The following UNC5C variants were observed in gnomAD, a reference collection of about 807,000 sequenced individuals.
UNC5C encodes netrin receptor UNC5C.
Under a neutral mutation model 99.8 loss-of-function variants are expected in UNC5C, and 47 were observed. The observed-to-expected ratio is 0.47, with a 90% CI of 0.37 to 0.60. The LOEUF (loss-of-function observed/expected upper bound fraction) is 0.60. Among genes scored for constraint, UNC5C ranks in the 20% least tolerant of loss-of-function variants. The pLI is 0.00. For synonymous variants in UNC5C, 487 were observed against 452.2 expected (o/e 1.08, Z -0.98); for missense variants, 1,062 against 1,165.9 (o/e 0.91, Z 1.30).
At chr4:95,233,232 T>G (rs1176572891) in intron 7 of UNC5C, among the ~76,000 whole-genome samples, 4 of 152,168 alleles carry the variant, frequency 2.6e-5, no homozygotes, top group Non-Finnish European at 4.4e-5. Context: ...AGTGCTAACT[T>G]TGCAGAATGC....
At chr4:95,419,117 C>A (rs1199347937) in intron 1 of UNC5C, among the ~76,000 whole-genome samples, 1 of 152,012 alleles carries the variant, frequency 6.6e-6, no homozygotes, top group Non-Finnish European at 1.5e-5. Context: ...AGTATTCGAA[C>A]AGCTGAAACA....
chr4:95,220,148 G>A lies in UNC5C; in HGVS notation c.1137C>T (p.Leu379=), dbSNP rs775327944. The A allele has an allele frequency of 6.2e-7, 1 of 1,613,870 alleles. No individual in the cohort carries two copies. ...QTAPDSDDVA[L]YVGIVIAVIV... is the part of the protein sequence containing the mutation. Reference sequence around the variant, plus strand: ...TCACTGCTATCACAATCCCAACATAGAGAGCAACATCATCTGAATCAGGAG... The same window carrying A: ...TCACTGCTATCACAATCCCAACATAAAGAGCAACATCATCTGAATCAGGAG... The change falls in exon 8 of 16, where the codon CTC becomes CTT. Residue 379 remains leucine, a synonymous_variant. Coordinates refer to ENST00000453304, the MANE Select transcript of UNC5C (RefSeq NM_003728.4).
chr4:95,310,366 G>A (rs891156399), intron 2 of UNC5C, among the ~76,000 whole-genome samples: 1 of 152,080 alleles, frequency 6.6e-6, no homozygotes, highest in Non-Finnish European at 1.5e-5. Context: ...TTCAAGAGAT[G>A]TGCAACATGA....
At chr4:95,485,799 A>G (rs4505826) in intron 1 of UNC5C, among the ~76,000 whole-genome samples, 97,421 of 151,406 alleles carry the variant, frequency 0.64, 32,341 homozygotes, top group African/African-American at 0.82. Context: ...CAAGCCTATC[A>G]GGTAGGGTTC....
chr4:95,283,009 C>A (rs1456464842), intron 3 of UNC5C, among the ~76,000 whole-genome samples: 2 of 152,002 alleles, frequency 1.3e-5, no homozygotes, highest in Admixed American at 6.6e-5. Context: ...AAAACTTTTG[C>A]TTCTGAGGCC....
intron 7 of UNC5C, among the ~76,000 whole-genome samples, chr4:95,234,995 T>C (rs747000710): frequency 6.6e-6 from 1 of 152,210 alleles, no homozygotes; most frequent in Non-Finnish European, 1.5e-5. Flanking sequence ...CTGTATGTGA[T>C]AGGCAACTGG....
At chr4:95,354,468 C>CATATAT (rs1553965986) in intron 1 of UNC5C, among the ~76,000 whole-genome samples, 8 of 98,208 alleles carry the variant, frequency 8.1e-5, no homozygotes, top group East Asian at 2.0e-4. Context: ...CTAACTCTTC[C>CATATAT]ATATATATAT....
chr4:95,322,937 CAAAA>C (rs34082198), intron 2 of UNC5C, among the ~76,000 whole-genome samples: 2 of 89,750 alleles, frequency 2.2e-5, no homozygotes, highest in Non-Finnish European at 2.3e-5. Flanking sequence ...GATTCTGTCT[CAAAA>C]AAAAAAAAAA....
intron 1 of UNC5C, among the ~76,000 whole-genome samples, chr4:95,527,769 G>A (rs1358887763): frequency 1.3e-5 from 2 of 152,096 alleles, no homozygotes; most frequent in African/African-American, 4.8e-5. Context: ...TCTAGAATAT[G>A]AAGTTTCTTT....
At chr4:95,177,267 A>G (rs1419506727) in intron 14 of UNC5C, among the ~76,000 whole-genome samples, 1 of 152,092 alleles carries the variant, frequency 6.6e-6, no homozygotes, top group Non-Finnish European at 1.5e-5. Context: ...CTCTCTTTTT[A>G]AAGCACGTAA....
intron 1 of UNC5C, among the ~76,000 whole-genome samples, chr4:95,394,241 C>A (rs1745444312): frequency 6.7e-6 from 1 of 149,934 alleles, no homozygotes; most frequent in Non-Finnish European, 1.5e-5. Context: ...ACTTCTGAAA[C>A]TTTAATAGTA....
At chr4:95,477,882 T>C (rs1720990431) in intron 1 of UNC5C, among the ~76,000 whole-genome samples, 1 of 151,954 alleles carries the variant, frequency 6.6e-6, no homozygotes, top group Admixed American at 6.6e-5. Flanking sequence ...TGGAATTTCA[T>C]CTCTAGTGTC....
rs902995767 is a variant in UNC5C, at chr4:95,450,729, A to G, written c.124+98005T>C. Among the ~76,000 whole-genome samples the G allele has an allele frequency of 4.6e-5, 7 of 152,338 alleles. No homozygotes were observed. The Middle Eastern group carries it at 0.01, about 222-fold the overall frequency. ...ACTAAAAAAGTCATCCATTTAATAC[A>G]TATTTTCCAAGTTGCTTATTTGAAA... On this transcript the variant is annotated intron_variant, in intron 1 of 15. Transcript: ENST00000453304.
intron 14 of UNC5C, among the ~76,000 whole-genome samples, chr4:95,178,472 G>C (rs866301687): frequency 6.6e-6 from 1 of 151,696 alleles, no homozygotes; most frequent in Admixed American, 6.6e-5. Context: ...TTTCTTTTTG[G>C]TGAGAGTATA....
At chr4:95,371,003 A>C (rs1159444386) in intron 1 of UNC5C, among the ~76,000 whole-genome samples, 1 of 152,198 alleles carries the variant, frequency 6.6e-6, no homozygotes, top group Non-Finnish European at 1.5e-5. Flanking sequence ...GCCATTAGGA[A>C]GTTTTTAGGT....
intron 1 of UNC5C, among the ~76,000 whole-genome samples, chr4:95,440,109 G>C (rs917865288): frequency 6.6e-6 from 1 of 152,140 alleles, no homozygotes; most frequent in South Asian, 2.1e-4. Flanking sequence ...GCAATGCAGC[G>C]ACCCTCAGAT....
chr4:95,482,065 A>G (rs981110902), intron 1 of UNC5C, among the ~76,000 whole-genome samples: 1 of 152,224 alleles, frequency 6.6e-6, no homozygotes, highest in Admixed American at 6.5e-5. Flanking sequence ...ATCAGAGTGA[A>G]CAGGCAACCT....
chr4:95,195,788 C>A (rs1172468575), intron 12 of UNC5C, among the ~76,000 whole-genome samples: 3 of 152,044 alleles, frequency 2.0e-5, no homozygotes, highest in African/African-American at 7.2e-5. Context: ...TTCTTTCATT[C>A]TTCTCTTCTC....
intron 1 of UNC5C, among the ~76,000 whole-genome samples, chr4:95,433,876 CTT>C (rs1746701629): frequency 1.3e-5 from 2 of 152,044 alleles, no homozygotes; most frequent in African/African-American, 4.8e-5. Flanking sequence ...AGCCTTCTCT[CTT>C]TTTCTCACAC....
Sources: allele counts gnomAD v4.1 joint callset (sites outside exome capture counted in the v4.1 genomes callset), GRCh38; gene constraint gnomAD v4.1.1; transcripts MANE v1.5; gene names NCBI Gene and HGNC (gene_info 2026-07-23, HGNC 2026-07-21).